Variants in ATG4B observed in about 807,000 individuals in gnomAD.
ATG4B encodes autophagy related 4B cysteine peptidase.
ATG4B carries 29 observed loss-of-function variants against 56.6 expected under a neutral mutation model. That is an observed-to-expected ratio of 0.51 (90% CI 0.38 to 0.70). The LOEUF (loss-of-function observed/expected upper bound fraction) is 0.70. ATG4B is among the 30% of genes least tolerant of loss of function. The probability of loss-of-function intolerance (pLI) is 0.00; values close to 1 mark genes in which losing one functional copy is unlikely to be tolerated. For synonymous variants in ATG4B, 224 were observed against 206.1 expected, an observed-to-expected ratio of 1.09 and a Z score of -0.74; for missense variants, 461 against 515.5, an observed-to-expected ratio of 0.89 and a Z score of 1.02.
rs1475964333 is a variant in ATG4B at position 241,668,107 on chromosome 2, C to T, written c.733-36C>T. 6.4e-7 allele frequency: 1 copy of T among 1,560,286 alleles called. No homozygotes were observed. The highest frequency in any genetic ancestry group is 8.7e-7 in the Non-Finnish European group (1 of 1,152,362). ...TGGGTGGGGGGACCGTCTGCTCCCA[C>T]CTGGGACCTGTGCTCAGTCCCCCGC... On this transcript the variant is annotated intron_variant, in intron 8 of 12. Coordinates refer to ENST00000404914, the MANE Select transcript of ATG4B (RefSeq NM_013325.5). The surrounding 1 kb of genome is among the most constrained non-coding windows in gnomAD (Gnocchi z 4.2).
intron 7 of ATG4B, 179 bp from the exon 8 acceptor site, chr2:241,666,466 T>C (rs912129617): frequency 8.7e-5 from 56 of 645,372 alleles, no homozygotes; most frequent in Middle Eastern, 2.5e-4. Flanking sequence ...TTTCTCTGGG[T>C]GGCAAGATTA....
chr2:241,671,909 C>G lies in ATG4B; in HGVS notation c.1109-282C>G, dbSNP rs1048251396. ...ACAAGGCAATGGCAATGGAACCACT[C>G]CTGATGACCACGAGGGTCAGACGCG... On this transcript the variant is annotated intron_variant, in intron 12 of 12. Coordinates refer to ENST00000404914, the MANE Select transcript of ATG4B (RefSeq NM_013325.5). The G allele has an allele frequency of 5.1e-5, 69 of 1,358,314 alleles. 1 individual carries two copies. Among genetic ancestry groups the G allele is most frequent in the Admixed American group, 9.6e-5 (3 of 31,234 alleles). The allele number at this position is 1,358,314 out of a possible 1,614,324, so 84.1% of individuals were successfully genotyped here.
chr2:241,667,438 T>C (rs1035841002), intron 8 of ATG4B, among the ~76,000 whole-genome samples: 3 of 151,772 alleles, frequency 2.0e-5, no homozygotes, highest in African/African-American at 7.3e-5. Context: ...ACCCTGTCTC[T>C]ACTAAAAATA....
chr2:241,658,105 C>T (rs1037261337), intron 6 of ATG4B, among the ~76,000 whole-genome samples: 8 of 152,258 alleles, frequency 5.3e-5, no homozygotes, highest in Non-Finnish European at 1.0e-4. Context: ...ACCACCGGCC[C>T]ACGTGGCTGC....
At chr2:241,671,056 G>T (rs2068952732) in intron 11 of ATG4B, among the ~76,000 whole-genome samples, 1 of 152,230 alleles carries the variant, frequency 6.6e-6, no homozygotes, top group African/African-American at 2.4e-5. Context: ...TTGAGATGGG[G>T]GTGGTGATGG....
At chr2:241,648,521 G>T (rs2068130095) in intron 1 of ATG4B, among the ~76,000 whole-genome samples, 2 of 151,932 alleles carry the variant, frequency 1.3e-5, no homozygotes, top group African/African-American at 4.8e-5. Flanking sequence ...ATTGAGCCTG[G>T]GAGTTTGAGG....
intron 1 of ATG4B, among the ~76,000 whole-genome samples, chr2:241,641,410 C>T (rs902170535): frequency 7.9e-5 from 12 of 152,146 alleles, no homozygotes; most frequent in African/African-American, 1.7e-4. Context: ...ATTAGCCGGG[C>T]ATAGTGGCGG....
intron 1 of ATG4B, among the ~76,000 whole-genome samples, chr2:241,641,813 C>T (rs2067898524): frequency 6.6e-6 from 1 of 152,128 alleles, no homozygotes; most frequent in African/African-American, 2.4e-5. Context: ...AGGCCAAAGG[C>T]CTCTGCGGGT....
At chr2:241,661,078 G>A (rs576545014) in intron 7 of ATG4B, among the ~76,000 whole-genome samples, 1 of 152,350 alleles carries the variant, frequency 6.6e-6, no homozygotes, top group South Asian at 2.1e-4. Context: ...CAGTGCTGCT[G>A]AAACGTGGCT....
intron 6 of ATG4B, among the ~76,000 whole-genome samples, chr2:241,656,982 T>G (rs533361698): frequency 2.0e-5 from 3 of 148,498 alleles, no homozygotes; most frequent in Non-Finnish European, 4.5e-5. Context: ...CTTTTTTCTT[T>G]TTTTTTGAGA....
chr2:241,654,467 A>C, intron 4 of ATG4B, 79 bp from the exon 5 acceptor site: 1 of 860,598 alleles, frequency 1.2e-6, no homozygotes, highest in Non-Finnish European at 1.8e-6. Flanking sequence ...TTTGGATGCC[A>C]TCTGTATCTT....
Position 241,668,652 on chromosome 2 carries a change from G to T in ATG4B, c.924G>T (p.Met308Ile). The change falls in exon 10 of 13, where the codon ATG becomes ATT. Residue 308 changes from methionine to isoleucine, a missense_variant. Transcript: ENST00000404914. This position sits in a 1 kb window ranked among gnomAD's most constrained non-coding sequence, Gnocchi z 4.2. ...ACTGCCAGCACCCGCCGTGCCGCAT[G>T]AGCATCGCGGAGCTTGACCCGTCCA... ...SFHCQHPPCR[M>I]SIAELDPSIA... is the part of the protein sequence containing the mutation. The T allele has an allele frequency of 6.3e-7, 1 of 1,578,530 alleles. No individual in the cohort carries two copies. The highest frequency in any genetic ancestry group is 1.4e-5 in the African/African-American group (1 of 74,050).
chr2:241,650,980 C>A (rs1440646810), intron 1 of ATG4B, 30 bp from the exon 2 acceptor site: 1 of 1,560,956 alleles, frequency 6.4e-7, no homozygotes, highest in South Asian at 1.1e-5. Context: ...TTATAAGTGT[C>A]TGATGATTGT....
At chr2:241,671,260 C>A in intron 11 of ATG4B, 52 bp from the exon 12 acceptor site, 2 of 1,518,990 alleles carry the variant, frequency 1.3e-6, no homozygotes, top group Non-Finnish European at 1.8e-6. Context: ...TTCTCTTGGC[C>A]GCAGCAAGCA....
chr2:241,637,840 C>G lies in ATG4B; in HGVS notation c.10+116C>G, dbSNP rs1028380731. The G allele has an allele frequency of 9.4e-7, 1 of 1,062,832 alleles. No homozygotes were observed. Among genetic ancestry groups the G allele is most frequent in the Non-Finnish European group, 1.2e-6 (1 of 856,046 alleles). The allele number at this position is 1,062,832 out of a possible 1,614,324, so 65.8% of individuals were successfully genotyped here. ...TCGGGGCACGCCGGTGCGGGCCAGGCTGGGCCGGGGCGGCGGGCGCTGCGG... is the reference window on the plus strand; with the variant it reads ...TCGGGGCACGCCGGTGCGGGCCAGGGTGGGCCGGGGCGGCGGGCGCTGCGG... On this transcript the variant is annotated intron_variant, in intron 1 of 12. Transcript: ENST00000404914.
At position 241,654,648 on chromosome 2, in the gene ATG4B, G is replaced by A; in HGVS notation, c.385+1G>A. On this transcript the variant is annotated splice_donor_variant, in intron 5 of 12. Coordinates refer to ENST00000404914, the MANE Select transcript of ATG4B (RefSeq NM_013325.5). LOFTEE classifies it high-confidence loss of function. ...AGTTACTACTCCATTCACCAGATAG[G>A]TGGGAGGCTGCAGAATGTGCCAGGC... is the stretch of plus-strand genomic sequence containing the variant. The A allele has an allele frequency of 1.3e-6, 2 of 1,591,074 alleles. No individual in the cohort carries two copies. Among genetic ancestry groups the A allele is most frequent in the Non-Finnish European group, 1.7e-6 (2 of 1,168,766 alleles).
At chr2:241,639,076 G>GTATGTGCACTATGGTTTGCAC in intron 1 of ATG4B, among the ~76,000 whole-genome samples, 1 of 152,178 alleles carries the variant, frequency 6.6e-6, no homozygotes, top group African/African-American at 2.4e-5. Flanking sequence ...CTATGGCACG[G>GTATGTGCACTATGGTTTGCAC]ATACCATGGC....
chr2:241,665,029 A>T (rs1307235624), intron 7 of ATG4B, among the ~76,000 whole-genome samples: 1 of 152,162 alleles, frequency 6.6e-6, no homozygotes, highest in Non-Finnish European at 1.5e-5. Flanking sequence ...CTGAGGCGGG[A>T]GGATTGCTTA....
At chr2:241,638,144 G>A (rs796444112) in intron 1 of ATG4B, 1 of 156,778 alleles carries the variant, frequency 6.4e-6, no homozygotes, top group Non-Finnish European at 1.4e-5. Context: ...TTCCGCAGCT[G>A]AGCGTGAAGG....
Sources: gnomAD v4.1 joint callset for allele counts (sites outside exome capture counted in the v4.1 genomes callset) on GRCh38, gnomAD v4.1.1 for gene constraint, Gnocchi (gnomAD v3.1) non-coding constraint, MANE v1.5 for transcripts, NCBI Gene and HGNC (gene_info 2026-07-23, HGNC 2026-07-21) for gene names.